Variants in CHRNA6 observed in about 807,000 individuals in gnomAD.
CHRNA6 encodes cholinergic receptor nicotinic alpha 6 subunit, also known as neuronal acetylcholine receptor subunit alpha-6.
A neutral mutation model predicts 40.9 loss-of-function variants in CHRNA6; 31 were observed. The observed-to-expected ratio is 0.76, with a 90% CI of 0.57 to 1.02. The LOEUF (loss-of-function observed/expected upper bound fraction) is 1.02, where lower values mean the gene tolerates loss of function less well. CHRNA6 is among the 50% of genes least tolerant of loss of function. The pLI is 0.00. For synonymous variants in CHRNA6, 222 were observed against 221.3 expected (o/e 1.00, Z -0.03); for missense variants, 546 against 596.6 (o/e 0.92, Z 0.88).
In CHRNA6 at chr8:42,753,267, A is replaced by G. The variant is rs776544169; in HGVS notation, c.1397T>C (p.Val466Ala). 5.0e-6 allele frequency: 8 copies of G among 1,612,242 alleles called. No individual in the cohort carries two copies. The highest frequency in any genetic ancestry group is 6.8e-6 in the Non-Finnish European group (8 of 1,179,124). Reference protein sequence around the residue: ...WKYVAMVVDRVFLWVFIIVCV... With the variant: ...WKYVAMVVDRAFLWVFIIVCV... ...GACAATTATAAATACCCAAAGAAAT[A>G]CTCTGTCCACCACCATGGCCACGTA... The change falls in exon 6 of 6, where the codon GTA becomes GCA. Residue 466 changes from valine (V) to alanine (A), a missense_variant. Transcript: ENST00000276410.
In CHRNA6 at chr8:42,756,723, G is replaced by A. The variant is rs1017343652; in HGVS notation, c.476C>T (p.Pro159Leu). The stretch of plus-strand genomic sequence containing the variant: ...AAAAGGGAAAAAGGTGATATCCATA[G>A]GGCAGGAACTCTTAAAAATAGCTGG... ...TPPAIFKSSCPMDITFFPFDH... is the reference protein window; with the variant it reads ...TPPAIFKSSCLMDITFFPFDH... The change falls in exon 5 of 6, where the codon CCT (proline) becomes CTT (leucine). Residue 159 changes from proline (P) to leucine (L), a missense_variant. Physicochemically the swap from Pro to Leu is moderately conservative, Grantham distance 98. Coordinates refer to ENST00000276410, the MANE Select transcript of CHRNA6 (RefSeq NM_004198.3). 29 of 1,613,950 alleles carry A rather than the reference G, an allele frequency of 1.8e-5. No individual in the cohort carries two copies. Among genetic ancestry groups the A allele is most frequent in the Non-Finnish European group, 2.3e-5 (27 of 1,180,022 alleles).
chr8:42,763,034 G>A (rs369409606), intron 2 of CHRNA6, among the ~76,000 whole-genome samples: 6 of 152,290 alleles, frequency 3.9e-5, no homozygotes, highest in South Asian at 2.1e-4. Context: ...CAGCTCTTAC[G>A]GAAATCACAG....
Position 42,756,440 on chromosome 8 carries a change from A to G in CHRNA6, c.759T>C (p.Phe253=). 1 of 1,614,250 alleles carries G rather than the reference A, an allele frequency of 6.2e-7. No individual in the cohort carries two copies. The highest frequency in any genetic ancestry group is 8.5e-7 in the Non-Finnish European group (1 of 1,180,040). ...AGACCAACACGGTTAGAAATGAAAT[A>G]AAGAGACAAGGGATGATCAGATTAA... is the stretch of plus-strand genomic sequence containing the variant. The part of the protein sequence containing the change: ...YTINLIIPCL[F]ISFLTVLVFY... The change falls in exon 5 of 6, where the codon TTT becomes TTC. Residue 253 remains phenylalanine (F), a synonymous_variant. Coordinates refer to ENST00000276410, the MANE Select transcript of CHRNA6 (RefSeq NM_004198.3).
At chr8:42,764,901 A>G in intron 2 of CHRNA6, 164 bp downstream of exon 2, 1 of 674,982 alleles carries the variant, frequency 1.5e-6, no homozygotes, top group South Asian at 2.0e-5. Context: ...CCTCACACAG[A>G]CAGTTACAGC....
In CHRNA6 at chr8:42,768,613, G is replaced by A. The variant is rs1817003960; in HGVS notation, c.-183C>T. 1.9e-6 allele frequency: 1 copy of A among 516,384 alleles called. No homozygotes were observed. The highest frequency in any genetic ancestry group is 3.2e-5 in the Admixed American group (1 of 30,888). 32.0% of individuals were successfully genotyped at this position (516,384 alleles called of 1,614,324 possible). On this transcript the variant is annotated 5_prime_UTR_variant, in exon 1 of 6. Coordinates refer to ENST00000276410, the MANE Select transcript of CHRNA6 (RefSeq NM_004198.3). ...GGTTATTACCAGGATCAGAGACTGAGGCAGACATGAAGGGCGAATAAAAAA... is the reference window on the plus strand; with the variant it reads ...GGTTATTACCAGGATCAGAGACTGAAGCAGACATGAAGGGCGAATAAAAAA...
At chr8:42,757,473 C>A (rs1337573729) in intron 3 of CHRNA6, among the ~76,000 whole-genome samples, 2 of 151,936 alleles carry the variant, frequency 1.3e-5, no homozygotes, top group African/African-American at 4.8e-5. Flanking sequence ...GCCTGTAATC[C>A]CAGCACTTTG....
At chr8:42,753,461 G>A in intron 5 of CHRNA6, 151 bp from the exon 6 acceptor site, 1 of 724,134 alleles carries the variant, frequency 1.4e-6, no homozygotes, top group Non-Finnish European at 2.3e-6. Flanking sequence ...ATCATCTGAG[G>A]TCTGGAGTTC....
intron 1 of CHRNA6, among the ~76,000 whole-genome samples, chr8:42,767,822 C>T (rs1225510651): frequency 6.6e-6 from 1 of 152,190 alleles, no homozygotes; most frequent in Non-Finnish European, 1.5e-5. Context: ...GCAAACCTAA[C>T]AGCATAGAAA....
At chr8:42,755,732 G>T (rs1816787842) in intron 5 of CHRNA6, 114 bp downstream of exon 5, 1 of 1,239,714 alleles carries the variant, frequency 8.1e-7, no homozygotes. Context: ...CTCAGAGCAA[G>T]GCCGCCTGAC....
Position 42,768,382 on chromosome 8 carries a change from A to G in CHRNA6, c.49T>C (p.Trp17Arg), listed in dbSNP as rs150939999. ...AAGAAAGGTGTGAACACACACAGCC[A>G]GAGACACAAGCCCCCATGAAGGAAT... The part of the protein sequence containing the change: ...QGFLHGGLCL[W>R]LCVFTPFFKG... The change falls in exon 1 of 6, where the codon TGG becomes CGG. Residue 17 changes from tryptophan (W) to arginine (R), a missense_variant. Coordinates refer to ENST00000276410, the MANE Select transcript of CHRNA6 (RefSeq NM_004198.3). The G allele has an allele frequency of 1.1e-5, 17 of 1,614,016 alleles. No homozygotes were observed. Among genetic ancestry groups the G allele is most frequent in the Non-Finnish European group, 1.4e-5 (16 of 1,179,948 alleles).
chr8:42,754,941 C>T (rs1057254661), intron 5 of CHRNA6, among the ~76,000 whole-genome samples: 3 of 152,134 alleles, frequency 2.0e-5, no homozygotes, highest in South Asian at 2.1e-4. Context: ...CATCTCCCAG[C>T]ACCCCCAGGC....
chr8:42,755,619 C>T (rs1165519745), intron 5 of CHRNA6, among the ~76,000 whole-genome samples: 2 of 152,154 alleles, frequency 1.3e-5, no homozygotes, highest in Non-Finnish European at 2.9e-5. Context: ...GTTCACATTT[C>T]TGGAGGTGGA....
At chr8:42,753,500 C>T (rs1009592664) in intron 5 of CHRNA6, among the ~76,000 whole-genome samples, 190 bp from the exon 6 acceptor site, 1 of 151,958 alleles carries the variant, frequency 6.6e-6, no homozygotes, top group African/African-American at 2.4e-5. Flanking sequence ...ATGGTGAAAC[C>T]CTGTCTCTAC....
In CHRNA6 at chr8:42,756,640, C is replaced by A; in HGVS notation, c.559G>T (p.Asp187Tyr). The A allele has an allele frequency of 6.2e-7, 1 of 1,614,034 alleles. No individual in the cohort carries two copies. The highest frequency in any genetic ancestry group is 8.5e-7 in the Non-Finnish European group (1 of 1,179,978). ...ACTTTTGATCCAATGATTAGAAGATCAATTTCAGCTTTGTCATACGTCCAG... is the reference window on the plus strand; with the variant it reads ...ACTTTTGATCCAATGATTAGAAGATAAATTTCAGCTTTGTCATACGTCCAG... ...GSWTYDKAEI[D>Y]LLIIGSKVDM... Residue 187 changes from aspartate to tyrosine, a missense_variant, in exon 5 of 6, where the codon GAT (aspartate) becomes TAT (tyrosine). Transcript: ENST00000276410.
chr8:42,763,147 G>A (rs1315432362), intron 2 of CHRNA6, among the ~76,000 whole-genome samples: 1 of 152,130 alleles, frequency 6.6e-6, no homozygotes, highest in Non-Finnish European at 1.5e-5. Context: ...GAACCATGAA[G>A]CAACACTGAG....
At position 42,756,412 on chromosome 8, in the gene CHRNA6, A is replaced by G. The variant is rs775630227; in HGVS notation, c.787T>C (p.Tyr263His). The G allele has an allele frequency of 5.6e-6, 9 of 1,614,140 alleles. No individual in the cohort carries two copies. In the African/African-American group the frequency reaches 1.1e-4, roughly 19 times the overall value. The change falls in exon 5 of 6, where the codon TAC becomes CAC. Residue 263 changes from tyrosine (Y) to histidine (H), a missense_variant. By Grantham distance (83) the Tyr-to-His change is moderately conservative. Around this residue, in one of 3 missense-constraint regions of CHRNA6, gnomAD observed 476 missense variants for 494.5 expected, o/e 0.96. Coordinates refer to ENST00000276410, the MANE Select transcript of CHRNA6 (RefSeq NM_004198.3). Reference protein sequence around the residue: ...FISFLTVLVFYLPSDCGEKVT... With the variant: ...FISFLTVLVFHLPSDCGEKVT... ...TTTTCACCACAGTCCGAAGGAAGGT[A>G]AAAGACCAACACGGTTAGAAATGAA...
At position 42,768,468 on chromosome 8, in the gene CHRNA6, GGATTGTGGAAAACAAA is replaced by G; in HGVS notation, c.-54_-39del. On this transcript the variant is annotated 5_prime_UTR_variant, in exon 1 of 6. It introduces an in-frame stop codon into an upstream open reading frame of the 5' UTR. Coordinates refer to ENST00000276410, the MANE Select transcript of CHRNA6 (RefSeq NM_004198.3). ...CTTGGATTCCTTTTTCCTAGGCAAAGGATTGTGGAAAACAAAGAGCTATCAGTCAGCCACATGCATC... is the reference window on the plus strand; with the variant it reads ...CTTGGATTCCTTTTTCCTAGGCAAAGGAGCTATCAGTCAGCCACATGCATC... 6.4e-7 allele frequency: 1 copy of G among 1,554,162 alleles called. No individual in the cohort carries two copies. Among genetic ancestry groups the G allele is most frequent in the Non-Finnish European group, 8.9e-7 (1 of 1,126,198 alleles).
rs1377039823 is a variant in CHRNA6 at position 42,764,983 on chromosome 8, A to C, written c.219+82T>G. 2.8e-6 allele frequency: 4 copies of C among 1,447,030 alleles called. No homozygotes were observed. The African/African-American group carries it at 4.2e-5, about 15-fold the overall frequency. The allele number at this position is 1,447,030 out of a possible 1,614,324, so 89.6% of individuals were successfully genotyped here. A position where few individuals can be genotyped will look rare whatever the true frequency, so the allele number is the denominator to read the frequency against. ...CCAGATCTCGTGTAGATTTGCATCTATCTGTATTTCTAAAATTCCTTCATT... is the reference window on the plus strand; with the variant it reads ...CCAGATCTCGTGTAGATTTGCATCTCTCTGTATTTCTAAAATTCCTTCATT... On this transcript the variant is annotated intron_variant, in intron 2 of 5. Transcript: ENST00000276410.
chr8:42,760,452 TCA>T (rs1206181602), intron 2 of CHRNA6, among the ~76,000 whole-genome samples: 24 of 140,804 alleles, frequency 1.7e-4, no homozygotes, highest in African/African-American at 5.4e-4. Flanking sequence ...ACGTGTGCAC[TCA>T]CACTCATACA....
Sources: gnomAD v4.1 joint callset for allele counts (sites outside exome capture counted in the v4.1 genomes callset) on GRCh38, gnomAD v4.1.1 for gene constraint, gnomAD v4.1.1 regional missense constraint, MANE v1.5 for transcripts, NCBI Gene and HGNC (gene_info 2026-07-23, HGNC 2026-07-21) for gene names.